FBXO28: variants seen among roughly 807,000 people sequenced by gnomAD.
The protein encoded by FBXO28 is F-box protein 28.
A neutral mutation model predicts 38.1 loss-of-function variants in FBXO28; 8 were observed. That is an observed-to-expected ratio of 0.21 (90% CI 0.12 to 0.38). The LOEUF (loss-of-function observed/expected upper bound fraction) is 0.38, where lower values mean the gene tolerates loss of function less well. Among genes scored for constraint, FBXO28 ranks in the 10% least tolerant of loss-of-function variants. The probability of loss-of-function intolerance (pLI) is 1.00; values close to 1 mark genes in which losing one functional copy is unlikely to be tolerated. For synonymous variants in FBXO28, 168 were observed against 173.8 expected (o/e 0.97, Z 0.26); for missense variants, 345 against 460.6 (o/e 0.75, Z 2.30).
intron 3 of FBXO28, among the ~76,000 whole-genome samples, chr1:224,136,782 C>T (rs900544332): frequency 2.6e-5 from 4 of 151,114 alleles, no homozygotes; most frequent in East Asian, 3.9e-4. Flanking sequence ...GATGGGGTCT[C>T]GTTCTGTCGC....
intron 2 of FBXO28, among the ~76,000 whole-genome samples, chr1:224,132,632 C>T (rs1285961707): frequency 6.6e-6 from 1 of 151,912 alleles, no homozygotes; most frequent in African/African-American, 2.4e-5. Flanking sequence ...ATGGTGAAAC[C>T]CAGTCTCTAC....
chr1:224,125,104 A>G (rs1656873831), intron 1 of FBXO28, among the ~76,000 whole-genome samples: 1 of 151,648 alleles, frequency 6.6e-6, no homozygotes, highest in African/African-American at 2.4e-5. Flanking sequence ...AATGTTTAAA[A>G]TAATTTTTCT....
intron 1 of FBXO28, among the ~76,000 whole-genome samples, chr1:224,118,231 G>A (rs1299685579): frequency 1.3e-5 from 2 of 151,496 alleles, no homozygotes; most frequent in Admixed American, 6.6e-5. Context: ...GATTACAGAC[G>A]TGAGCCACTG....
chr1:224,116,151 G>T (rs899064627), intron 1 of FBXO28, among the ~76,000 whole-genome samples: 1 of 152,118 alleles, frequency 6.6e-6, no homozygotes, highest in Non-Finnish European at 1.5e-5. Context: ...CGTTTTACAT[G>T]TGCAAATATG....
At position 224,158,378 on chromosome 1, in the gene FBXO28, C is replaced by A; in HGVS notation, c.*632C>A. ...CCAGCTGTTATACATGTTTTCAGTT[C>A]TCTTTGGGGGCCATGTCCTACATTT... On this transcript the variant is annotated 3_prime_UTR_variant, in exon 5 of 5. Transcript: ENST00000366862. The A allele has an allele frequency of 7.6e-6, 2 of 263,204 alleles. No individual in the cohort carries two copies. Among genetic ancestry groups the A allele is most frequent in the Non-Finnish European group, 1.2e-5 (2 of 169,446 alleles). The allele number at this position is 263,204 out of a possible 1,614,324, so 16.3% of individuals were successfully genotyped here.
In FBXO28 at chr1:224,136,762, T is replaced by A. The variant is rs140017912; in HGVS notation, c.516+2550T>A. The stretch of plus-strand genomic sequence containing the variant: ...AAAAAGTTCAGAAGTCTTTTTGTTT[T>A]TGTTTTTGAGATGGGGTCTCGTTCT... On this transcript the variant is annotated intron_variant, in intron 3 of 4. Transcript: ENST00000366862. Among the ~76,000 whole-genome samples, 281 of 151,616 alleles carry A rather than the reference T, an allele frequency of 1.9e-3. 2 individuals carry two copies. In the East Asian group the frequency reaches 0.025, roughly 13 times the overall value.
At chr1:224,133,484 A>G (rs1156982051) in intron 2 of FBXO28, among the ~76,000 whole-genome samples, 1 of 152,048 alleles carries the variant, frequency 6.6e-6, no homozygotes, top group African/African-American at 2.4e-5. Flanking sequence ...TTTGGTTCTA[A>G]TAGCCACTAG....
intron 1 of FBXO28, among the ~76,000 whole-genome samples, chr1:224,116,183 A>AT (rs993766265): frequency 7.2e-5 from 11 of 151,982 alleles, no homozygotes; most frequent in African/African-American, 2.2e-4. Context: ...ATGGGGAACT[A>AT]TTTTTTTTAC....
chr1:224,136,445 C>T (rs986600645), intron 3 of FBXO28, among the ~76,000 whole-genome samples: 1 of 151,548 alleles, frequency 6.6e-6, no homozygotes, highest in Admixed American at 6.6e-5. Context: ...AAGTTTAGGC[C>T]GGGCGCGGTA....
intron 3 of FBXO28, among the ~76,000 whole-genome samples, chr1:224,149,013 G>A (rs1481133924): frequency 6.6e-6 from 1 of 152,098 alleles, no homozygotes; most frequent in Non-Finnish European, 1.5e-5. Flanking sequence ...TGTTTCACTG[G>A]ATAGGATCTG....
intron 1 of FBXO28, among the ~76,000 whole-genome samples, chr1:224,128,928 G>A (rs1043216353): frequency 4.8e-5 from 7 of 146,712 alleles, no homozygotes; most frequent in Non-Finnish European, 7.4e-5. Context: ...GGATGCTGCA[G>A]TGAGCTGTGA....
At chr1:224,120,052 A>T (rs1572004941) in intron 1 of FBXO28, among the ~76,000 whole-genome samples, 1 of 152,364 alleles carries the variant, frequency 6.6e-6, no homozygotes, top group East Asian at 1.9e-4. Flanking sequence ...TTCTTAAAAG[A>T]CACCAGATAT....
intron 1 of FBXO28, among the ~76,000 whole-genome samples, chr1:224,122,707 T>C (rs1223005612): frequency 2.0e-5 from 3 of 152,178 alleles, no homozygotes; most frequent in African/African-American, 7.2e-5. Context: ...ATTTGTCTAA[T>C]TTTTTCCTTG....
chr1:224,155,862 C>A (rs1182594988), intron 4 of FBXO28, among the ~76,000 whole-genome samples: 1 of 152,126 alleles, frequency 6.6e-6, no homozygotes. Context: ...CTTACTATTT[C>A]AAAAGGTAAG....
At chr1:224,116,083 A>T (rs894113694) in intron 1 of FBXO28, among the ~76,000 whole-genome samples, 1 of 152,102 alleles carries the variant, frequency 6.6e-6, no homozygotes, top group Non-Finnish European at 1.5e-5. Flanking sequence ...TCAAACTCAG[A>T]TTTTTCATAA....
chr1:224,142,668 T>G (rs111885349), intron 3 of FBXO28, among the ~76,000 whole-genome samples: 1 of 151,196 alleles, frequency 6.6e-6, no homozygotes, highest in Non-Finnish European at 1.5e-5. Context: ...ATAAAAAAAT[T>G]GCCAGGCACA....
At chr1:224,129,066 T>G (rs1656973917) in intron 1 of FBXO28, among the ~76,000 whole-genome samples, 1 of 151,548 alleles carries the variant, frequency 6.6e-6, no homozygotes. Context: ...TTGGGCCGAG[T>G]GCAGTGGCTC....
chr1:224,150,791 C>T (rs1207814488), intron 3 of FBXO28, among the ~76,000 whole-genome samples: 1 of 152,158 alleles, frequency 6.6e-6, no homozygotes, highest in Non-Finnish European at 1.5e-5. Flanking sequence ...CATGTTATTC[C>T]TGCCTTTCCT....
chr1:224,114,738 C>A (rs1432124660), intron 1 of FBXO28, among the ~76,000 whole-genome samples: 1 of 152,192 alleles, frequency 6.6e-6, no homozygotes, highest in South Asian at 2.1e-4. Context: ...GAGGTCATGT[C>A]GCCTGCCTTT....
Sources: allele counts gnomAD v4.1 joint callset (sites outside exome capture counted in the v4.1 genomes callset), GRCh38; gene constraint gnomAD v4.1.1; transcripts MANE v1.5; gene names NCBI Gene and HGNC (gene_info 2026-07-23, HGNC 2026-07-21).